Variants in AXIN1 observed in about 807,000 individuals in gnomAD.
AXIN1 encodes axin-1.
A neutral mutation model predicts 76.4 loss-of-function variants in AXIN1; 30 were observed. The observed-to-expected ratio is 0.39, with a 90% CI of 0.29 to 0.53. The LOEUF is 0.53. AXIN1 is among the 20% of genes least tolerant of loss of function. The pLI, the probability that AXIN1 is intolerant of heterozygous loss-of-function variation, is 0.66. For missense variants in AXIN1, 1,140 were observed against 1,198.8 expected (o/e 0.95, Z 0.72); for synonymous variants, 545 against 501.4 (o/e 1.09, Z -1.16).
At chr16:300,291 C>T (rs181614056) in intron 5 of AXIN1, among the ~76,000 whole-genome samples, 3 of 152,256 alleles carry the variant, frequency 2.0e-5, no homozygotes, top group Non-Finnish European at 2.9e-5. Context: ...AGGGGTCAAG[C>T]GATCCTCCTG....
chr16:287,857 G>C lies in AXIN1; in HGVS notation c.*265C>G. 1.8e-6 allele frequency: 1 copy of C among 561,502 alleles called. No homozygotes were observed. The highest frequency in any genetic ancestry group is 3.2e-6 in the Non-Finnish European group (1 of 312,588). 34.8% of individuals were successfully genotyped at this position (561,502 alleles called of 1,614,324 possible). ...GGGGGTCACCTGAAGCTGGCAGCAG[G>C]GACCTCGGCTGCCTCACTTGGGCTG... On this transcript the variant is annotated 3_prime_UTR_variant, in exon 11 of 11. Coordinates refer to ENST00000262320, the MANE Select transcript of AXIN1 (RefSeq NM_003502.4).
At chr16:320,252 C>T (rs544058872) in intron 2 of AXIN1, among the ~76,000 whole-genome samples, 1 of 152,288 alleles carries the variant, frequency 6.6e-6, no homozygotes, top group African/African-American at 2.4e-5. Context: ...CACTATGTCA[C>T]CCAGGCTGGT....
At chr16:340,721 G>T (rs1442022501) in intron 2 of AXIN1, among the ~76,000 whole-genome samples, 1 of 152,252 alleles carries the variant, frequency 6.6e-6, no homozygotes, top group Non-Finnish European at 1.5e-5. Context: ...GAGCCAGGGA[G>T]GAACCCCATG....
chr16:347,750 T>G (rs995033985), intron 1 of AXIN1, among the ~76,000 whole-genome samples: 9 of 152,098 alleles, frequency 5.9e-5, no homozygotes, highest in Admixed American at 3.9e-4. Context: ...CAAAGAGAGA[T>G]AATCATGGGT....
rs770623143 is a variant in AXIN1, at chr16:288,175, C to T, written c.2536G>A (p.Val846Ile). The stretch of plus-strand genomic sequence containing the variant: ...ATCTTCTCCTCAAAGACGGGCAGGA[C>T]GGCCTCGTCCTCTCGAACCTCCTCA... ...VFEEVREDEA[V>I]LPVFEEKIIG... Residue 846 changes from valine (V) to isoleucine (I), a missense_variant, in exon 11 of 11, where the codon GTC becomes ATC. Val to Ile is a conservative substitution (Grantham distance 29). This residue lies in a region of AXIN1 where 429 missense variants were observed against 405.8 expected (regional missense o/e 1.06). Coordinates refer to ENST00000262320, the MANE Select transcript of AXIN1 (RefSeq NM_003502.4). 2.2e-5 allele frequency: 36 copies of T among 1,613,586 alleles called. 1 individual carries two copies. Among genetic ancestry groups the T allele is most frequent in the South Asian group, 1.2e-4 (11 of 91,092 alleles).
intron 5 of AXIN1, among the ~76,000 whole-genome samples, chr16:303,633 C>A (rs184090967): frequency 1.5e-3 from 222 of 152,242 alleles, no homozygotes; most frequent in African/African-American, 5.0e-3. Context: ...CCGCCCGCCT[C>A]GGCCTCCCAA....
At chr16:347,777 G>A in intron 1 of AXIN1, among the ~76,000 whole-genome samples, 1 of 152,088 alleles carries the variant, frequency 6.6e-6, no homozygotes, top group South Asian at 2.1e-4. Context: ...CAGCCCCATC[G>A]ACCGAGGGAT....
chr16:309,011 T>C (rs905150378), intron 4 of AXIN1, among the ~76,000 whole-genome samples: 1 of 152,176 alleles, frequency 6.6e-6, no homozygotes. Context: ...GACACTCAGA[T>C]GGTCACGTGG....
chr16:322,254 G>A (rs983420042), intron 2 of AXIN1, among the ~76,000 whole-genome samples: 18 of 152,176 alleles, frequency 1.2e-4, no homozygotes, highest in African/African-American at 4.1e-4. Flanking sequence ...GGAGGTGACC[G>A]AGGGGCAGCT....
chr16:292,918 A>ACAAGAGGACACAGC, intron 8 of AXIN1: 1 of 120,840 alleles, frequency 8.3e-6, no homozygotes, highest in African/African-American at 4.3e-5. Context: ...GTCCCGGATG[A>ACAAGAGGACACAGC]GAGAAGGGCA....
At chr16:325,640 C>T (rs2053564439) in intron 2 of AXIN1, among the ~76,000 whole-genome samples, 1 of 152,240 alleles carries the variant, frequency 6.6e-6, no homozygotes, top group African/African-American at 2.4e-5. Flanking sequence ...GAGCGGTCAC[C>T]GCCCCAGAGT....
chr16:304,519 G>T, intron 4 of AXIN1, 78 bp from the exon 5 acceptor site: 2 of 1,595,696 alleles, frequency 1.3e-6, no homozygotes, highest in Non-Finnish European at 1.7e-6. Context: ...GAAAGAGCGT[G>T]TGCTATCTCT....
intron 4 of AXIN1, among the ~76,000 whole-genome samples, chr16:305,206 G>A (rs1487118297): frequency 1.3e-5 from 2 of 152,240 alleles, no homozygotes; most frequent in East Asian, 1.9e-4. Flanking sequence ...GGTGGCTCAC[G>A]CCTACAGTCA....
intron 2 of AXIN1, among the ~76,000 whole-genome samples, chr16:335,809 TGAG>T (rs964318236): frequency 3.5e-4 from 53 of 152,040 alleles, no homozygotes; most frequent in African/African-American, 1.2e-3. Flanking sequence ...GGTTTTACAG[TGAG>T]GAGAAGAATA....
Position 289,469 on chromosome 16 carries a change from C to G in AXIN1, c.2433G>C (p.Lys811Asn). 6.2e-7 allele frequency: 1 copy of G among 1,612,982 alleles called. No individual in the cohort carries two copies. Among genetic ancestry groups the G allele is most frequent in the Non-Finnish European group, 8.5e-7 (1 of 1,180,020 alleles). Residue 811 changes from lysine (K) to asparagine (N), a missense_variant, in exon 10 of 11, where the codon AAG (lysine) becomes AAC (asparagine). Lys to Asn is a moderately conservative substitution (Grantham distance 94, BLOSUM62 0). Around this residue, in one of 3 missense-constraint regions of AXIN1, gnomAD observed 429 missense variants for 405.8 expected, o/e 1.06. Transcript: ENST00000262320. ...AGCTGCCCTTTTTGGTCAGCAGCTCCTTGAACTGGCCCAGGGTGACAGCGC... is the reference window on the plus strand; with the variant it reads ...AGCTGCCCTTTTTGGTCAGCAGCTCGTTGAACTGGCCCAGGGTGACAGCGC... ...RGRAVTLGQF[K>N]ELLTKKGSYR...
At chr16:318,843 C>A (rs113326057) in intron 2 of AXIN1, among the ~76,000 whole-genome samples, 5 of 152,114 alleles carry the variant, frequency 3.3e-5, no homozygotes, top group South Asian at 2.1e-4. Flanking sequence ...GGTGAGAATG[C>A]GGCTGGGGCC....
At chr16:326,507 G>A (rs1001044529) in intron 2 of AXIN1, among the ~76,000 whole-genome samples, 3 of 151,560 alleles carry the variant, frequency 2.0e-5, no homozygotes, top group Non-Finnish European at 4.4e-5. Flanking sequence ...CCAGCACCAT[G>A]GGAGGCCAAG....
Position 352,482 on chromosome 16 carries a change from G to T in AXIN1, c.-195C>A, listed in dbSNP as rs2054167594. On this transcript the variant is annotated 5_prime_UTR_variant, in exon 1 of 11. Coordinates refer to ENST00000262320, the MANE Select transcript of AXIN1 (RefSeq NM_003502.4). ...GCGGGACCCGGCGGGGGCGCGGCCC[G>T]GGGCGGCCCCCATCTCGGCGGCTGC... 1 of 938,084 alleles carries T rather than the reference G, an allele frequency of 1.1e-6. No individual in the cohort carries two copies. 58.1% of individuals were successfully genotyped at this position (938,084 alleles called of 1,614,324 possible).
At chr16:350,607 T>C (rs115305427) in intron 1 of AXIN1, among the ~76,000 whole-genome samples, 1 of 152,368 alleles carries the variant, frequency 6.6e-6, no homozygotes, top group African/African-American at 2.4e-5. Flanking sequence ...AACACGACTC[T>C]GACATCTTCC....
Sources: allele counts gnomAD v4.1 joint callset (sites outside exome capture counted in the v4.1 genomes callset), GRCh38; gene constraint gnomAD v4.1.1; regional missense constraint gnomAD v4.1.1; transcripts MANE v1.5; gene names NCBI Gene and HGNC (gene_info 2026-07-23, HGNC 2026-07-21).